The following ITGA8 variants were observed in gnomAD, a reference collection of about 807,000 sequenced individuals.
The protein encoded by ITGA8 is integrin alpha-8.
A neutral mutation model predicts 142.3 loss-of-function variants in ITGA8; 91 were observed. The ratio of observed to expected loss-of-function variants is 0.64; its 90% CI spans 0.54 to 0.76. ITGA8 has a LOEUF of 0.76. ITGA8 is among the 30% of genes least tolerant of loss of function. The pLI, the probability that ITGA8 is intolerant of heterozygous loss-of-function variation, is 0.00. For synonymous variants in ITGA8, 505 were observed against 485.2 expected (o/e 1.04, Z -0.54); for missense variants, 1,406 against 1,327.7 (o/e 1.06, Z -0.92).
chr10:15,697,369 C>T (rs1053838129), intron 2 of ITGA8, among the ~76,000 whole-genome samples: 3 of 152,112 alleles, frequency 2.0e-5, no homozygotes, highest in East Asian at 3.8e-4. Flanking sequence ...TTTTAAATTG[C>T]GATTCACAAA....
intron 15 of ITGA8, 125 bp from the exon 16 acceptor site, chr10:15,608,415 ACACACACACC>A: frequency 1.7e-6 from 1 of 591,198 alleles, no homozygotes; most frequent in Non-Finnish European, 3.0e-6. Context: ...ACACACACAC[ACACACACACC>A]CACACACACA....
chr10:15,569,585 C>A (rs1834142710), intron 25 of ITGA8, among the ~76,000 whole-genome samples: 1 of 152,128 alleles, frequency 6.6e-6, no homozygotes, highest in Non-Finnish European at 1.5e-5. Context: ...ATAAAACTAA[C>A]TATACAATTT....
At chr10:15,624,304 T>C (rs1445984800) in intron 13 of ITGA8, among the ~76,000 whole-genome samples, 1 of 152,246 alleles carries the variant, frequency 6.6e-6, no homozygotes, top group South Asian at 2.1e-4. Flanking sequence ...TTCACTTTGC[T>C]ACTGGCTTCT....
Position 15,671,540 on chromosome 10 carries a change from T to G in ITGA8, c.847+63A>C. Reference sequence around the variant, plus strand: ...AAAATCACATTGATAGAAAAAACTTTATATGCCATTTTACCATTTCCCCAT... The same window carrying G: ...AAAATCACATTGATAGAAAAAACTTGATATGCCATTTTACCATTTCCCCAT... On this transcript the variant is annotated intron_variant, in intron 8 of 29. Coordinates refer to ENST00000378076, the MANE Select transcript of ITGA8 (RefSeq NM_003638.3). 16 of 1,362,804 alleles carry G rather than the reference T, an allele frequency of 1.2e-5. No homozygotes were observed. In the South Asian group the frequency reaches 1.8e-4, roughly 15 times the overall value. The allele number at this position is 1,362,804 out of a possible 1,614,324, so 84.4% of individuals were successfully genotyped here. A position where few individuals can be genotyped will look rare whatever the true frequency, so the allele number is the denominator to read the frequency against.
intron 27 of ITGA8, among the ~76,000 whole-genome samples, chr10:15,531,593 C>T (rs2131542338): frequency 6.6e-6 from 1 of 152,228 alleles, no homozygotes; most frequent in South Asian, 2.1e-4. Context: ...TGACAAAATT[C>T]TTATCAGATG....
At chr10:15,573,270 A>G (rs765170141) in intron 24 of ITGA8, among the ~76,000 whole-genome samples, 1 of 152,222 alleles carries the variant, frequency 6.6e-6, no homozygotes, top group Non-Finnish European at 1.5e-5. Flanking sequence ...TAGCTACCCT[A>G]AACTTTCATG....
intron 10 of ITGA8, among the ~76,000 whole-genome samples, chr10:15,656,561 A>C (rs1834189589): frequency 6.6e-6 from 1 of 151,870 alleles, no homozygotes. Context: ...ATGAGGTTTC[A>C]CCATGTTGTC....
intron 23 of ITGA8, among the ~76,000 whole-genome samples, chr10:15,586,250 G>T (rs1434155518): frequency 6.6e-6 from 1 of 150,800 alleles, no homozygotes; most frequent in East Asian, 1.9e-4. Flanking sequence ...GGAGAGACAG[G>T]GTTTCACGAT....
intron 27 of ITGA8, among the ~76,000 whole-genome samples, chr10:15,536,128 G>A (rs764568002): frequency 6.6e-6 from 1 of 152,088 alleles, no homozygotes; most frequent in East Asian, 1.9e-4. Context: ...AACACTCATC[G>A]CGAGGGTCTG....
chr10:15,677,746 C>T (rs1287110724), intron 5 of ITGA8, 109 bp from the exon 6 acceptor site: 13 of 993,584 alleles, frequency 1.3e-5, no homozygotes, highest in South Asian at 4.9e-5. Flanking sequence ...ATTTGTTACA[C>T]ATAAAAAGCA....
Position 15,640,201 on chromosome 10 carries a change from G to A in ITGA8, c.1399+3829C>T, listed in dbSNP as rs1159580200. Among the ~76,000 whole-genome samples the A allele has an allele frequency of 3.3e-5, 5 of 152,138 alleles. No individual in the cohort carries two copies. In the East Asian group the frequency reaches 9.6e-4, roughly 29 times the overall value. ...ACCTTCATTTAATCCAAAAACAAAG[G>A]GCCTCAATCCCCTCTACGGCCCGTG... is the stretch of plus-strand genomic sequence containing the variant. On this transcript the variant is annotated intron_variant, in intron 13 of 29. Transcript: ENST00000378076.
intron 2 of ITGA8, among the ~76,000 whole-genome samples, chr10:15,691,343 A>C (rs1399622916): frequency 6.6e-6 from 1 of 152,240 alleles, no homozygotes; most frequent in African/African-American, 2.4e-5. Flanking sequence ...ACTACTGGGC[A>C]TATATCCAAA....
rs1353365823 is a variant in ITGA8, at chr10:15,665,835, G to A, written c.848-4913C>T. 1.5e-3 allele frequency among the ~76,000 whole-genome samples: 226 copies of A among 151,980 alleles called. 1 individual carries two copies. Among genetic ancestry groups the A allele is most frequent in the African/African-American group, 5.0e-3 (207 of 41,470 alleles). On this transcript the variant is annotated intron_variant, in intron 8 of 29. Coordinates refer to ENST00000378076, the MANE Select transcript of ITGA8 (RefSeq NM_003638.3). ...AAAGATCAGATAGTTGTAGATATGC[G>A]GCATTATTTCTGAGGGCTCTGTTCT... is the stretch of plus-strand genomic sequence containing the variant.
rs1834683914 is a variant in ITGA8 at position 15,678,912 on chromosome 10, T to C, written c.569-129A>G. ...TTAAAAATGATCAATATGTGTTTTA[T>C]GTTTATTTTTAAAATGTTGTTCAAG... On this transcript the variant is annotated intron_variant, in intron 4 of 29. Transcript: ENST00000378076. The C allele has an allele frequency of 2.1e-5, 11 of 525,840 alleles. No individual in the cohort carries two copies. In the South Asian group the frequency reaches 3.2e-4, roughly 15 times the overall value. The allele number at this position is 525,840 out of a possible 1,614,324, so 32.6% of individuals were successfully genotyped here.
At chr10:15,647,944 A>C in intron 11 of ITGA8, among the ~76,000 whole-genome samples, 1 of 152,172 alleles carries the variant, frequency 6.6e-6, no homozygotes. Flanking sequence ...TATAGCAAAA[A>C]ACTAATATGT....
At chr10:15,598,347 G>GT (rs879592742) in intron 20 of ITGA8, among the ~76,000 whole-genome samples, 7 of 151,816 alleles carry the variant, frequency 4.6e-5, no homozygotes, top group South Asian at 2.1e-4. Flanking sequence ...TTTTTTATTT[G>GT]TTTTTTTGTC....
chr10:15,519,471 T>C, intron 28 of ITGA8, 59 bp from the exon 29 acceptor site: 2 of 1,568,006 alleles, frequency 1.3e-6, no homozygotes, highest in African/African-American at 1.4e-5. Context: ...TGAAATAAAA[T>C]AGTAATTACC....
rs146052465 is a variant in ITGA8, at chr10:15,516,025, T to C, written c.*1133A>G. ...ATTTTATGTTTTTGTCTAAGTTATA[T>C]TCAACATGTTTTCTCTGTGTATACA... On this transcript the variant is annotated 3_prime_UTR_variant, in exon 30 of 30. Coordinates refer to ENST00000378076, the MANE Select transcript of ITGA8 (RefSeq NM_003638.3). The C allele has an allele frequency of 1.3e-5, 2 of 152,318 alleles. No individual in the cohort carries two copies. The highest frequency in any genetic ancestry group is 4.8e-5 in the African/African-American group (2 of 41,570). The allele number at this position is 152,318 out of a possible 1,614,324, so 9.4% of individuals were successfully genotyped here. A position where few individuals can be genotyped will look rare whatever the true frequency, so the allele number is the denominator to read the frequency against.
At chr10:15,688,938 C>T (rs890852910) in intron 2 of ITGA8, among the ~76,000 whole-genome samples, 1 of 152,176 alleles carries the variant, frequency 6.6e-6, no homozygotes, top group Admixed American at 6.5e-5. Context: ...AGATCAGGAA[C>T]AAATGCTCAC....
Sources: allele counts gnomAD v4.1 joint callset (sites outside exome capture counted in the v4.1 genomes callset), GRCh38; gene constraint gnomAD v4.1.1; transcripts MANE v1.5; gene names NCBI Gene and HGNC (gene_info 2026-07-23, HGNC 2026-07-21).